RBMS1: variants seen among roughly 807,000 people sequenced by gnomAD.
RBMS1 encodes RNA-binding motif, single-stranded-interacting protein 1.
Under a neutral mutation model 62.3 loss-of-function variants are expected in RBMS1, and 17 were observed. The observed-to-expected ratio is 0.27, with a 90% CI of 0.19 to 0.41. The LOEUF is 0.41. Among genes scored for constraint, RBMS1 ranks in the 10% least tolerant of loss-of-function variants. The pLI is 1.00. For synonymous variants in RBMS1, 172 were observed against 170.0 expected (o/e 1.01, Z -0.09); for missense variants, 334 against 504.5 (o/e 0.66, Z 3.24).
intron 5 of RBMS1, among the ~76,000 whole-genome samples, chr2:160,302,058 T>C (rs1689235883): frequency 6.6e-6 from 1 of 152,180 alleles, no homozygotes; most frequent in Non-Finnish European, 1.5e-5. Flanking sequence ...AGAATTCTGA[T>C]CAAAATCAAA....
chr2:160,379,028 T>A (rs528616579), intron 1 of RBMS1, among the ~76,000 whole-genome samples: 2 of 152,250 alleles, frequency 1.3e-5, no homozygotes, highest in African/African-American at 4.8e-5. Context: ...AAAACCAGCA[T>A]GGGCAACATG....
chr2:160,446,646 C>T (rs1019767417), intron 1 of RBMS1, among the ~76,000 whole-genome samples: 8 of 152,182 alleles, frequency 5.3e-5, no homozygotes, highest in Admixed American at 1.3e-4. Context: ...ACCCAGTGGA[C>T]ATGTCCACTA....
intron 2 of RBMS1, among the ~76,000 whole-genome samples, chr2:160,351,592 A>C (rs145769144): frequency 1.3e-5 from 2 of 152,102 alleles, no homozygotes; most frequent in Non-Finnish European, 2.9e-5. Flanking sequence ...ACTTTCAACA[A>C]AGATGTCAAT....
At chr2:160,351,270 T>C (rs1317440260) in intron 2 of RBMS1, among the ~76,000 whole-genome samples, 2 of 151,548 alleles carry the variant, frequency 1.3e-5, no homozygotes, top group African/African-American at 4.9e-5. Context: ...GGCACATATA[T>C]ACATATGTAA....
intron 1 of RBMS1, among the ~76,000 whole-genome samples, chr2:160,471,274 C>T (rs759074990): frequency 9.9e-5 from 15 of 152,162 alleles, no homozygotes; most frequent in South Asian, 4.1e-4. Context: ...AATTCAAGTG[C>T]GTGTAAATTG....
rs1687653661 is a variant in RBMS1, at chr2:160,272,994, C to T, written c.*1778G>A. ...GGAGGGCCAGCAACCTGTCCCAGCACAAAAGAAAATAGACTCTGAGGTAGA... is the reference window on the plus strand; with the variant it reads ...GGAGGGCCAGCAACCTGTCCCAGCATAAAAGAAAATAGACTCTGAGGTAGA... On this transcript the variant is annotated 3_prime_UTR_variant, in exon 14 of 14. Transcript: ENST00000348849. 6.6e-6 allele frequency: 1 copy of T among 152,154 alleles called. No individual in the cohort carries two copies. Among genetic ancestry groups the T allele is most frequent in the Admixed American group, 6.5e-5 (1 of 15,268 alleles). The allele number at this position is 152,154 out of a possible 1,614,324, so 9.4% of individuals were successfully genotyped here.
chr2:160,404,807 T>C (rs1695612228), intron 1 of RBMS1, among the ~76,000 whole-genome samples: 1 of 152,168 alleles, frequency 6.6e-6, no homozygotes, highest in East Asian at 1.9e-4. Context: ...GCTCACAAGT[T>C]CTCCCTCCCC....
chr2:160,396,186 T>C (rs1282454496), intron 1 of RBMS1, among the ~76,000 whole-genome samples: 1 of 152,226 alleles, frequency 6.6e-6, no homozygotes, highest in African/African-American at 2.4e-5. Flanking sequence ...TTGAAATGGT[T>C]TGATAGTGAA....
intron 4 of RBMS1, among the ~76,000 whole-genome samples, chr2:160,309,080 C>T (rs959218999): frequency 6.6e-6 from 1 of 152,156 alleles, no homozygotes; most frequent in Non-Finnish European, 1.5e-5. Context: ...TCCCACATTC[C>T]AGAGTGAGAA....
chr2:160,493,566 C>CTCCTCT lies in RBMS1; in HGVS notation c.-209_-204dup, dbSNP rs1421918543. On this transcript the variant is annotated 5_prime_UTR_variant, in exon 1 of 14. Coordinates refer to ENST00000348849, the MANE Select transcript of RBMS1 (RefSeq NM_016836.4). ...CTTCCTCCTCCTCCTCCTCCTCCTC[C>CTCCTCT]TCCTCTTCCTCCTCCTCCTCCTCCT... The CTCCTCT allele has an allele frequency of 4.9e-6, 3 of 610,030 alleles. No homozygotes were observed. The highest frequency in any genetic ancestry group is 2.8e-5 in the Admixed American group (1 of 35,592). 37.8% of individuals were successfully genotyped at this position (610,030 alleles called of 1,614,324 possible). A position where few individuals can be genotyped will look rare whatever the true frequency, so the allele number is the denominator to read the frequency against.
intron 1 of RBMS1, among the ~76,000 whole-genome samples, chr2:160,374,591 A>C (rs1262607166): frequency 6.6e-6 from 1 of 152,104 alleles, no homozygotes; most frequent in African/African-American, 2.4e-5. Flanking sequence ...AAACTAGAAA[A>C]ACACTTCCCT....
intron 1 of RBMS1, among the ~76,000 whole-genome samples, chr2:160,419,831 T>C (rs1019082920): frequency 2.6e-5 from 4 of 152,326 alleles, no homozygotes; most frequent in Non-Finnish European, 5.9e-5. Context: ...ACCAAACATT[T>C]AAAAAGTTAT....
intron 1 of RBMS1, among the ~76,000 whole-genome samples, chr2:160,436,834 A>C (rs1350318611): frequency 6.6e-6 from 1 of 152,186 alleles, no homozygotes; most frequent in Non-Finnish European, 1.5e-5. Context: ...GCCACCATCT[A>C]ATAAAAATAA....
chr2:160,388,603 C>T (rs139157269), intron 1 of RBMS1, among the ~76,000 whole-genome samples: 48 of 152,304 alleles, frequency 3.2e-4, no homozygotes, highest in African/African-American at 1.1e-3. Flanking sequence ...CAGAGTCCAC[C>T]TTTCAACTCT....
intron 7 of RBMS1, among the ~76,000 whole-genome samples, chr2:160,286,443 C>T (rs891559540): frequency 6.6e-6 from 1 of 151,600 alleles, no homozygotes; most frequent in Non-Finnish European, 1.5e-5. Flanking sequence ...CCTCAGCCTC[C>T]CAGGTAGCTG....
chr2:160,412,059 A>G (rs1346126340), intron 1 of RBMS1, among the ~76,000 whole-genome samples: 1 of 152,234 alleles, frequency 6.6e-6, no homozygotes, highest in Non-Finnish European at 1.5e-5. Flanking sequence ...GTTGGAGAAG[A>G]GCCATTTTTG....
At chr2:160,392,211 T>C (rs568996115) in intron 1 of RBMS1, among the ~76,000 whole-genome samples, 2 of 152,320 alleles carry the variant, frequency 1.3e-5, no homozygotes, top group African/African-American at 4.8e-5. Flanking sequence ...TTCAAGTCCT[T>C]CTGTGCATCT....
chr2:160,367,282 G>A lies in RBMS1; in HGVS notation c.185C>T (p.Thr62Met). 6.2e-7 allele frequency: 1 copy of A among 1,606,292 alleles called. No homozygotes were observed. The change falls in exon 2 of 14, where the codon ACG becomes ATG. Residue 62 changes from threonine to methionine, a missense_variant. By Grantham distance (81) the Thr-to-Met change is moderately conservative. Around this residue, in one of 3 missense-constraint regions of RBMS1, gnomAD observed 150 missense variants for 228.0 expected, o/e 0.66. Coordinates refer to ENST00000348849, the MANE Select transcript of RBMS1 (RefSeq NM_016836.4). ...SNSGWDQLSKTNLYIRGLPPH... is the reference protein window; with the variant it reads ...SNSGWDQLSKMNLYIRGLPPH... ...AGGCAGTCCTCGGATATAGAGGTTC[G>A]TTTTGCTGAGCTGATCCCATCCTGA...
intron 1 of RBMS1, among the ~76,000 whole-genome samples, chr2:160,489,765 C>T (rs1341980797): frequency 1.3e-5 from 2 of 151,998 alleles, no homozygotes; most frequent in Admixed American, 6.6e-5. Context: ...CTTCTTCATA[C>T]ACAAAAACTT....
Sources: gnomAD v4.1 joint callset for allele counts (sites outside exome capture counted in the v4.1 genomes callset) on GRCh38, gnomAD v4.1.1 for gene constraint, gnomAD v4.1.1 regional missense constraint, MANE v1.5 for transcripts, NCBI Gene and HGNC (gene_info 2026-07-23, HGNC 2026-07-21) for gene names.